ZNF503: variants seen among roughly 807,000 people sequenced by gnomAD.
The protein encoded by ZNF503 is NocA-like zinc finger 2.
Under a neutral mutation model 34.4 loss-of-function variants are expected in ZNF503, and 15 were observed. The observed-to-expected ratio is 0.44, with a 90% CI of 0.29 to 0.67. The LOEUF (loss-of-function observed/expected upper bound fraction) is 0.67. ZNF503 is among the 30% of genes least tolerant of loss of function. ZNF503 has a pLI of 0.13. For synonymous variants in ZNF503, 580 were observed against 456.8 expected (o/e 1.27, Z -3.44); for missense variants, 1,007 against 926.8 (o/e 1.09, Z -1.12).
At chr10:75,387,929 C>A in the ZNF503 span, among the ~76,000 whole-genome samples, 1 of 152,296 alleles carries the variant, frequency 6.6e-6, no homozygotes, top group Admixed American at 6.5e-5. Context: ...AGAATCATCC[C>A]ACAGTGCTCA....
At chr10:75,293,880 G>A in the ZNF503 span, among the ~76,000 whole-genome samples, 1 of 152,200 alleles carries the variant, frequency 6.6e-6, no homozygotes, top group Non-Finnish European at 1.5e-5. Context: ...GGAAAGTCCT[G>A]GACTTGCCCA....
chr10:75,364,472 A>G, the ZNF503 span, among the ~76,000 whole-genome samples: 1 of 152,206 alleles, frequency 6.6e-6, no homozygotes, highest in Non-Finnish European at 1.5e-5. Context: ...GTCACTGTTC[A>G]TGGCCCTGAC....
the ZNF503 span, among the ~76,000 whole-genome samples, chr10:75,346,023 A>C: frequency 6.6e-6 from 1 of 152,226 alleles, no homozygotes; most frequent in East Asian, 1.9e-4. Context: ...CTGACTGATA[A>C]GACTGTTCAG....
chr10:75,331,626 T>C, the ZNF503 span, among the ~76,000 whole-genome samples: 2 of 152,210 alleles, frequency 1.3e-5, no homozygotes, highest in East Asian at 3.9e-4. Flanking sequence ...AAAAAATTTG[T>C]TTTTAGAGAT....
At position 75,398,845 on chromosome 10, in the gene ZNF503, G is replaced by A; in HGVS notation, c.1845C>T (p.Ala615=). Residue 615 remains alanine (A), a synonymous_variant, in exon 2 of 2, where the codon GCC becomes GCT. Transcript: ENST00000372524. Reference sequence around the variant, plus strand: ...CGGTGGCGGCGGGCACCGGCACGGGGGCGCCAGGCGTGGGAAGCGGGCTCT... The same window carrying A: ...CGGTGGCGGCGGGCACCGGCACGGGAGCGCCAGGCGTGGGAAGCGGGCTCT... ...YSKSPLPTPG[A]PVPVPAATGP... The A allele has an allele frequency of 6.6e-7, 1 of 1,503,982 alleles. No homozygotes were observed. The highest frequency in any genetic ancestry group is 2.3e-5 in the Admixed American group (1 of 43,070). 93.2% of individuals were successfully genotyped at this position (1,503,982 alleles called of 1,614,324 possible). A position where few individuals can be genotyped will look rare whatever the true frequency, so the allele number is the denominator to read the frequency against.
chr10:75,329,430 C>T, the ZNF503 span, among the ~76,000 whole-genome samples: 53 of 106,638 alleles, frequency 5.0e-4, no homozygotes, highest in African/African-American at 1.5e-3. Context: ...TTCCTTCCTT[C>T]CTTCCTTTCT....
chr10:75,294,942 G>T, the ZNF503 span, among the ~76,000 whole-genome samples: 1 of 152,290 alleles, frequency 6.6e-6, no homozygotes, highest in African/African-American at 2.4e-5. Flanking sequence ...ACGCTGTTGT[G>T]TATATTTCTC....
chr10:75,308,574 A>C, the ZNF503 span, among the ~76,000 whole-genome samples: 3 of 152,232 alleles, frequency 2.0e-5, no homozygotes, highest in Non-Finnish European at 2.9e-5. Flanking sequence ...TCAAGGATTC[A>C]TCATTCTAGA....
the ZNF503 span, among the ~76,000 whole-genome samples, chr10:75,359,510 C>A: frequency 1.3e-5 from 2 of 152,244 alleles, no homozygotes; most frequent in African/African-American, 4.8e-5. Context: ...GTTTTAGAAG[C>A]ATCTCCGGCT....
At chr10:75,381,917 C>T in the ZNF503 span, among the ~76,000 whole-genome samples, 1 of 143,688 alleles carries the variant, frequency 7.0e-6, no homozygotes, top group East Asian at 2.2e-4. Flanking sequence ...AGTGATTCTC[C>T]CATCTAAGCC....
the ZNF503 span, among the ~76,000 whole-genome samples, chr10:75,281,398 A>G: frequency 6.6e-6 from 1 of 152,186 alleles, no homozygotes; most frequent in South Asian, 2.1e-4. Context: ...CCTGTGGGAC[A>G]GGTGATGAGC....
the ZNF503 span, among the ~76,000 whole-genome samples, chr10:75,349,742 G>A: frequency 3.3e-5 from 5 of 152,244 alleles, no homozygotes; most frequent in African/African-American, 1.2e-4. Flanking sequence ...TGGAGGCAGG[G>A]CCTCCACTCT....
At chr10:75,390,033 CA>C in the ZNF503 span, among the ~76,000 whole-genome samples, 1 of 152,086 alleles carries the variant, frequency 6.6e-6, no homozygotes, top group Admixed American at 6.5e-5. Flanking sequence ...GCTGGGACTA[CA>C]GGCACCCCCC....
chr10:75,386,111 G>C, the ZNF503 span, among the ~76,000 whole-genome samples: 5 of 152,206 alleles, frequency 3.3e-5, no homozygotes, highest in Non-Finnish European at 7.3e-5. Flanking sequence ...CGAGAGACTA[G>C]AGATGAAGCC....
rs762427266 is a variant in ZNF503, at chr10:75,399,672, C to G, written c.1018G>C (p.Val340Leu). 5 of 1,599,810 alleles carry G rather than the reference C, an allele frequency of 3.1e-6. No homozygotes were observed. The highest frequency in any genetic ancestry group is 2.2e-5 in the East Asian group (1 of 44,854). Residue 340 changes from valine to leucine, a missense_variant, in exon 2 of 2, where the codon GTG (valine) becomes CTG (leucine). Transcript: ENST00000372524. Reference protein sequence around the residue: ...SVLGSGLVAPVSPYKPGQTVF... With the variant: ...SVLGSGLVAPLSPYKPGQTVF... ...GTCTGGCCCGGCTTGTAGGGTGACA[C>G]GGGAGCCACCAGCCCAGAGCCCAAC...
At chr10:75,285,337 C>G in the ZNF503 span, among the ~76,000 whole-genome samples, 2 of 152,212 alleles carry the variant, frequency 1.3e-5, no homozygotes, top group Admixed American at 6.5e-5. Context: ...ACCCTGACAC[C>G]AGATTTTCCT....
the ZNF503 span, among the ~76,000 whole-genome samples, chr10:75,335,059 A>G: frequency 9.8e-5 from 15 of 152,336 alleles, no homozygotes; most frequent in South Asian, 1.2e-3. Context: ...AACTTCCAGG[A>G]TTCAAATCTC....
At chr10:75,381,805 CTTTTTTTTTTT>C in the ZNF503 span, among the ~76,000 whole-genome samples, 26 of 38,650 alleles carry the variant, frequency 6.7e-4, no homozygotes, top group East Asian at 0.011. Flanking sequence ...GAACCTAATT[CTTTTTTTTTTT>C]TTTTTTTTTT....
At chr10:75,311,883 G>A in the ZNF503 span, among the ~76,000 whole-genome samples, 4 of 151,668 alleles carry the variant, frequency 2.6e-5, no homozygotes, top group East Asian at 3.9e-4. Flanking sequence ...GACTACAGGC[G>A]TGCACCACCA....
Sources: gnomAD v4.1 joint callset for allele counts (sites outside exome capture counted in the v4.1 genomes callset) on GRCh38, gnomAD v4.1.1 for gene constraint, MANE v1.5 for transcripts, NCBI Gene and HGNC (gene_info 2026-07-23, HGNC 2026-07-21) for gene names.